CLNK: variants seen among roughly 807,000 people sequenced by gnomAD.
CLNK encodes cytokine dependent hematopoietic cell linker, also known as cytokine-dependent hematopoietic cell linker.
In CLNK, 74 loss-of-function variants were observed where a neutral mutation model predicts 68.6. The ratio of observed to expected loss-of-function variants is 1.08; its 90% CI spans 0.89 to 1.31. The LOEUF is 1.31. Among genes scored for constraint, CLNK ranks in the 50% most tolerant of loss-of-function variants. The pLI is 0.00. For synonymous variants in CLNK, 198 were observed against 172.2 expected, an observed-to-expected ratio of 1.15 and a Z score of -1.17; for missense variants, 553 against 515.3, an observed-to-expected ratio of 1.07 and a Z score of -0.71.
the CLNK span, among the ~76,000 whole-genome samples, chr4:10,714,677 C>T: frequency 7.7e-6 from 1 of 130,288 alleles, no homozygotes; most frequent in African/African-American, 2.8e-5. Flanking sequence ...ATAATACATT[C>T]ATTGTGGTGT....
chr4:10,570,587 G>C (rs1025989941), intron 5 of CLNK, among the ~76,000 whole-genome samples: 2 of 152,052 alleles, frequency 1.3e-5, no homozygotes, highest in African/African-American at 4.8e-5. Context: ...ATGTGTGTTT[G>C]TATGTTTCTG....
the CLNK span, among the ~76,000 whole-genome samples, chr4:10,704,426 T>G: frequency 6.6e-6 from 1 of 152,122 alleles, no homozygotes; most frequent in African/African-American, 2.4e-5. Context: ...ACAATGGAAC[T>G]GCAAACTTAA....
At chr4:10,639,240 C>T (rs1560256769) in intron 2 of CLNK, among the ~76,000 whole-genome samples, 4 of 152,220 alleles carry the variant, frequency 2.6e-5, no homozygotes. Context: ...CTGAATGGCT[C>T]TGAGTCTTTT....
chr4:10,646,031 G>T (rs1396309022), intron 2 of CLNK, among the ~76,000 whole-genome samples: 1 of 151,994 alleles, frequency 6.6e-6, no homozygotes, highest in Admixed American at 6.6e-5. Flanking sequence ...TATATATGGG[G>T]GTAATCTAAC....
At chr4:10,665,291 A>G (rs1049937501) in intron 2 of CLNK, among the ~76,000 whole-genome samples, 77 of 152,344 alleles carry the variant, frequency 5.1e-4, no homozygotes, top group African/African-American at 1.7e-3. Flanking sequence ...CCTGGCTAAA[A>G]GACAAAGCCA....
intron 5 of CLNK, among the ~76,000 whole-genome samples, chr4:10,570,471 T>A (rs886673846): frequency 3.3e-5 from 5 of 152,234 alleles, no homozygotes; most frequent in African/African-American, 1.2e-4. Context: ...TAATGTATTA[T>A]CTATTTTCTA....
intron 11 of CLNK, among the ~76,000 whole-genome samples, chr4:10,535,269 AT>A (rs1718714438): frequency 6.6e-6 from 1 of 152,002 alleles, no homozygotes; most frequent in Non-Finnish European, 1.5e-5. Flanking sequence ...GAAAGAAAAA[AT>A]GGAAAGCCAT....
chr4:10,495,841 G>C lies in CLNK; in HGVS notation c.1141-5228C>G, dbSNP rs148638626. Among the ~76,000 whole-genome samples the C allele has an allele frequency of 2.6e-3, 396 of 151,916 alleles. 7 individuals carry two copies. Among genetic ancestry groups the C allele is most frequent in the African/African-American group, 9.1e-3 (378 of 41,426 alleles). ...CGTGACCATAGAGAGAGAGAGATGA[G>C]GAGAAGGTCACGTGATCATAGAGGC... is the stretch of plus-strand genomic sequence containing the variant. On this transcript the variant is annotated intron_variant, in intron 18 of 18. Coordinates refer to ENST00000226951, the MANE Select transcript of CLNK (RefSeq NM_052964.4).
chr4:10,659,348 C>T lies in CLNK; in HGVS notation c.11+8511G>A, dbSNP rs80304703. Among the ~76,000 whole-genome samples the T allele has an allele frequency of 5.2e-3, 791 of 152,330 alleles. 11 individuals are homozygous for T. Among genetic ancestry groups the T allele is most frequent in the African/African-American group, 0.018 (753 of 41,568 alleles). On this transcript the variant is annotated intron_variant, in intron 2 of 18. Transcript: ENST00000226951. The stretch of plus-strand genomic sequence containing the variant: ...GCTACACACACTGTATACATTAAGT[C>T]GCTTAACTTTCTCAACAACCCTTTG...
intron 1 of CLNK, among the ~76,000 whole-genome samples, chr4:10,671,058 T>C (rs1416970255): frequency 6.6e-6 from 1 of 152,226 alleles, no homozygotes; most frequent in Non-Finnish European, 1.5e-5. Context: ...AAAAATATTA[T>C]AGAGAGATCC....
chr4:10,545,198 A>G (rs1256849669), intron 8 of CLNK, among the ~76,000 whole-genome samples: 1 of 152,104 alleles, frequency 6.6e-6, no homozygotes, highest in East Asian at 1.9e-4. Flanking sequence ...TACCAACTCA[A>G]AAGTCCAAAG....
intron 1 of CLNK, among the ~76,000 whole-genome samples, chr4:10,677,837 C>CAATAATAAT (rs68067128): frequency 8.0e-4 from 119 of 149,168 alleles, no homozygotes; most frequent in East Asian, 1.2e-3. Flanking sequence ...ATAAAAATAG[C>CAATAATAAT]AATAATAATA....
the CLNK span, among the ~76,000 whole-genome samples, chr4:10,716,645 C>T: frequency 0.42 from 63,232 of 150,224 alleles, 14,301 homozygotes; most frequent in East Asian, 0.58. Context: ...TCCCTCTCTA[C>T]CAAAAGGAAT....
intron 4 of CLNK, among the ~76,000 whole-genome samples, chr4:10,576,515 G>T (rs1358052115): frequency 1.3e-5 from 2 of 152,136 alleles, no homozygotes; most frequent in Non-Finnish European, 2.9e-5. Context: ...ATGGATATAC[G>T]CAGTGTAAAG....
chr4:10,693,054 C>T, the CLNK span, among the ~76,000 whole-genome samples: 39 of 152,190 alleles, frequency 2.6e-4, no homozygotes, highest in Non-Finnish European at 3.5e-4. Context: ...TAACGCACTT[C>T]AGCTGGGGAA....
chr4:10,630,633 A>T (rs1722850011), intron 2 of CLNK, among the ~76,000 whole-genome samples: 1 of 152,224 alleles, frequency 6.6e-6, no homozygotes, highest in South Asian at 2.1e-4. Context: ...AGTCCACTTC[A>T]TTCCAATTTC....
Position 10,488,302 on chromosome 4 carries a change from CAT to C in CLNK, c.*2163_*2164del, listed in dbSNP as rs1462696212. 1 of 152,202 alleles carries C rather than the reference CAT, an allele frequency of 6.6e-6. No homozygotes were observed. Among genetic ancestry groups the C allele is most frequent in the Non-Finnish European group, 1.5e-5 (1 of 68,048 alleles). 9.4% of individuals were successfully genotyped at this position (152,202 alleles called of 1,614,324 possible). A position where few individuals can be genotyped will look rare whatever the true frequency, so the allele number is the denominator to read the frequency against. On this transcript the variant is annotated 3_prime_UTR_variant, in exon 19 of 19. Coordinates refer to ENST00000226951, the MANE Select transcript of CLNK (RefSeq NM_052964.4). ...ATCAACAGCAATGGTTGAGAGGACT[CAT>C]AGACATTTCTTGAGAACATAGCATT...
the CLNK span, among the ~76,000 whole-genome samples, chr4:10,726,592 A>AAT: frequency 0.43 from 65,553 of 151,920 alleles, 14,956 homozygotes; most frequent in East Asian, 0.69. Flanking sequence ...TCAGCATATG[A>AAT]ATTCCAGGTG....
chr4:10,690,799 A>T, the CLNK span, among the ~76,000 whole-genome samples: 1 of 152,168 alleles, frequency 6.6e-6, no homozygotes, highest in Non-Finnish European at 1.5e-5. Context: ...CACTGTCTCC[A>T]TGAGTCCCCT....
Sources: allele counts gnomAD v4.1 joint callset (sites outside exome capture counted in the v4.1 genomes callset), GRCh38; gene constraint gnomAD v4.1.1; transcripts MANE v1.5; gene names NCBI Gene and HGNC (gene_info 2026-07-23, HGNC 2026-07-21).